The following CA12 variants were observed in gnomAD, a reference collection of about 807,000 sequenced individuals.
The protein encoded by CA12 is carbonic anhydrase 12, also known as carbonate dehydratase XII.
A neutral mutation model predicts 46.8 loss-of-function variants in CA12; 36 were observed. The observed-to-expected ratio is 0.77, with a 90% CI of 0.59 to 1.02. The LOEUF is 1.02. Among genes scored for constraint, CA12 ranks in the 50% least tolerant of loss-of-function variants. The pLI, the probability that CA12 is intolerant of heterozygous loss-of-function variation, is 0.00. For synonymous variants in CA12, 202 were observed against 187.0 expected (o/e 1.08, Z -0.65); for missense variants, 436 against 451.4 (o/e 0.97, Z 0.31).
At chr15:63,376,095 C>T (rs993831705) in intron 1 of CA12, among the ~76,000 whole-genome samples, 5 of 152,178 alleles carry the variant, frequency 3.3e-5, no homozygotes, top group Non-Finnish European at 7.3e-5. Flanking sequence ...AGGCGTGAGC[C>T]ACCATGCCCG....
chr15:63,338,922 C>T lies in CA12; in HGVS notation c.771G>A (p.Leu257=), dbSNP rs2039039968. 6.2e-7 allele frequency: 1 copy of T among 1,614,172 alleles called. No homozygotes were observed. Among genetic ancestry groups the T allele is most frequent in the East Asian group, 2.2e-5 (1 of 44,886 alleles). Residue 257 remains leucine, a synonymous_variant, in exon 8 of 11, where the codon CTG becomes CTA. Coordinates refer to ENST00000178638, the MANE Select transcript of CA12 (RefSeq NM_001218.5). ...QEQLLALETA[L]YCTHMDDPSP... ...AAGGGTCGTCCATGTGTGTGCAGTACAGGGCTGTCTCCAAAGCCAGCAGCT... is the reference window on the plus strand; with the variant it reads ...AAGGGTCGTCCATGTGTGTGCAGTATAGGGCTGTCTCCAAAGCCAGCAGCT...
chr15:63,349,897 G>C (rs912775178), intron 2 of CA12, among the ~76,000 whole-genome samples: 5 of 152,064 alleles, frequency 3.3e-5, no homozygotes, highest in African/African-American at 9.7e-5. Context: ...TCCTTTCCCA[G>C]GGAACGTGCA....
At chr15:63,342,543 G>A (rs2039094213) in intron 4 of CA12, among the ~76,000 whole-genome samples, 1 of 152,216 alleles carries the variant, frequency 6.6e-6, no homozygotes, top group Non-Finnish European at 1.5e-5. Flanking sequence ...AGAGAGAATA[G>A]ACTGTAAATA....
chr15:63,376,623 TTTC>T (rs571228882), intron 1 of CA12, among the ~76,000 whole-genome samples: 207 of 150,618 alleles, frequency 1.4e-3, no homozygotes, highest in African/African-American at 4.8e-3. Flanking sequence ...GCTCTCTCTC[TTTC>T]TTCTTTTTCT....
intron 2 of CA12, among the ~76,000 whole-genome samples, chr15:63,352,242 A>G (rs2039241884): frequency 6.6e-6 from 1 of 152,146 alleles, no homozygotes; most frequent in South Asian, 2.1e-4. Flanking sequence ...TTTTTAGTCG[A>G]CATGGGGTTT....
At position 63,327,856 on chromosome 15, in the gene CA12, T is replaced by C. The variant is rs908291979; in HGVS notation, c.907+242A>G. ...GCCTCCCACCATGACCAAAAGAAAG[T>C]CTTAGATAGGTTCTTTGAATACACA... On this transcript the variant is annotated intron_variant, in intron 9 of 10. Coordinates refer to ENST00000178638, the MANE Select transcript of CA12 (RefSeq NM_001218.5). This position sits in a 1 kb window ranked among gnomAD's most constrained non-coding sequence, Gnocchi z 4.5. 1.3e-5 allele frequency among the ~76,000 whole-genome samples: 2 copies of C among 152,036 alleles called. No individual in the cohort carries two copies. Among genetic ancestry groups the C allele is most frequent in the Admixed American group, 6.5e-5 (1 of 15,268 alleles).
rs183814647 is a variant in CA12, at chr15:63,339,150, G to A, written c.748-205C>T. On this transcript the variant is annotated intron_variant, in intron 7 of 10. Coordinates refer to ENST00000178638, the MANE Select transcript of CA12 (RefSeq NM_001218.5). This position sits in a 1 kb window ranked among gnomAD's most constrained non-coding sequence, Gnocchi z 4.3. ...GGTGAGTGGGAGCTGGGCAGCGCTG[G>A]GTTTATCTTCCCAGCACCCGAGACT... Among the ~76,000 whole-genome samples, 4 of 152,186 alleles carry A rather than the reference G, an allele frequency of 2.6e-5. No individual in the cohort carries two copies. The highest frequency in any genetic ancestry group is 9.6e-5 in the African/African-American group (4 of 41,516).
chr15:63,341,913 T>C lies in CA12; in HGVS notation c.525+89A>G. ...CGGAGTCGATACAGGAACAGCTGAT[T>C]ATCAACAGGTATGCATGGAACAAAA... On this transcript the variant is annotated intron_variant, in intron 5 of 10. Coordinates refer to ENST00000178638, the MANE Select transcript of CA12 (RefSeq NM_001218.5). The surrounding 1 kb of genome is among the most constrained non-coding windows in gnomAD (Gnocchi z 5.2). 1.1e-6 allele frequency: 1 copy of C among 886,276 alleles called. No individual in the cohort carries two copies. The highest frequency in any genetic ancestry group is 1.9e-6 in the Non-Finnish European group (1 of 533,744). 54.9% of individuals were successfully genotyped at this position (886,276 alleles called of 1,614,324 possible).
chr15:63,377,651 A>G (rs2039594218), intron 1 of CA12, among the ~76,000 whole-genome samples: 1 of 152,218 alleles, frequency 6.6e-6, no homozygotes, highest in African/African-American at 2.4e-5. Context: ...AAAGCTGTGT[A>G]ACAAAAACCT....
At chr15:63,356,889 T>C (rs2039302201) in intron 2 of CA12, among the ~76,000 whole-genome samples, 1 of 152,206 alleles carries the variant, frequency 6.6e-6, no homozygotes, top group African/African-American at 2.4e-5. Context: ...ACACCTGTGT[T>C]CATAGCAGCA....
intron 4 of CA12, among the ~76,000 whole-genome samples, chr15:63,343,753 A>G (rs1278106553): frequency 6.6e-6 from 1 of 152,216 alleles, no homozygotes; most frequent in Non-Finnish European, 1.5e-5. Context: ...AAATACAAGA[A>G]GTAGAAATAT....
Position 63,340,690 on chromosome 15 carries a change from A to G in CA12, c.589+30T>C. 6.2e-7 allele frequency: 1 copy of G among 1,605,036 alleles called. No homozygotes were observed. The highest frequency in any genetic ancestry group is 8.5e-7 in the Non-Finnish European group (1 of 1,171,704). On this transcript the variant is annotated intron_variant, in intron 6 of 10. Transcript: ENST00000178638. The surrounding 1 kb of genome is among the most constrained non-coding windows in gnomAD (Gnocchi z 4.4). Reference sequence around the variant, plus strand: ...GGCTGACTACCTCCTTCTCCAGCAGAGAGTGAATATGCATGCAAGGACCCC... The same window carrying G: ...GGCTGACTACCTCCTTCTCCAGCAGGGAGTGAATATGCATGCAAGGACCCC...
chr15:63,342,503 T>G (rs1004076751), intron 4 of CA12, among the ~76,000 whole-genome samples: 1 of 152,298 alleles, frequency 6.6e-6, no homozygotes, highest in East Asian at 1.9e-4. Context: ...GATTTTATCA[T>G]GCAGAGGAAG....
chr15:63,340,159 A>G lies in CA12; in HGVS notation c.747+129T>C. 9.2e-7 allele frequency: 1 copy of G among 1,092,754 alleles called. No homozygotes were observed. The highest frequency in any genetic ancestry group is 1.4e-6 in the Non-Finnish European group (1 of 730,008). The allele number at this position is 1,092,754 out of a possible 1,614,324, so 67.7% of individuals were successfully genotyped here. A position where few individuals can be genotyped will look rare whatever the true frequency, so the allele number is the denominator to read the frequency against. On this transcript the variant is annotated intron_variant, in intron 7 of 10. Coordinates refer to ENST00000178638, the MANE Select transcript of CA12 (RefSeq NM_001218.5). The surrounding 1 kb of genome is among the most constrained non-coding windows in gnomAD (Gnocchi z 4.4). Reference sequence around the variant, plus strand: ...TCTGCGGTGCTTTCAGACACCTGTGATATTTGGAGAGGTTTTGAAGAGCTG... The same window carrying G: ...TCTGCGGTGCTTTCAGACACCTGTGGTATTTGGAGAGGTTTTGAAGAGCTG...
rs549076780 is a variant in CA12 at position 63,354,148 on chromosome 15, C to A, written c.107-7439G>T. On this transcript the variant is annotated intron_variant, in intron 2 of 10. Transcript: ENST00000178638. ...TGGGTTAATAATTGATGGATGAGGT[C>A]TTATGATGTTATTATGTACAAACAG... 7.9e-4 allele frequency among the ~76,000 whole-genome samples: 121 copies of A among 152,212 alleles called. 1 individual carries two copies. Among genetic ancestry groups the A allele is most frequent in the African/African-American group, 2.9e-3 (119 of 41,536 alleles).
At chr15:63,336,962 T>A (rs1423640735) in intron 8 of CA12, among the ~76,000 whole-genome samples, 1 of 152,158 alleles carries the variant, frequency 6.6e-6, no homozygotes, top group African/African-American at 2.4e-5. Flanking sequence ...GTTTTAAGAG[T>A]TGAAGTAGTT....
In CA12 at chr15:63,345,972, T is replaced by C. The variant is rs1466521386; in HGVS notation, c.287-353A>G. Among the ~76,000 whole-genome samples the C allele has an allele frequency of 1.3e-5, 2 of 152,240 alleles. No individual in the cohort carries two copies. Among genetic ancestry groups the C allele is most frequent in the Non-Finnish European group, 2.9e-5 (2 of 68,042 alleles). On this transcript the variant is annotated intron_variant, in intron 3 of 10. Coordinates refer to ENST00000178638, the MANE Select transcript of CA12 (RefSeq NM_001218.5). The surrounding 1 kb of genome is among the most constrained non-coding windows in gnomAD (Gnocchi z 4.3). ...AAGTACCTTCCAAGCTTTAGAATTATATAGCAACAGCAACGATAACTGCTA... is the reference window on the plus strand; with the variant it reads ...AAGTACCTTCCAAGCTTTAGAATTACATAGCAACAGCAACGATAACTGCTA...
chr15:63,370,223 G>A (rs1417794566), intron 2 of CA12, among the ~76,000 whole-genome samples: 1 of 152,056 alleles, frequency 6.6e-6, no homozygotes, highest in East Asian at 1.9e-4. Flanking sequence ...CACTTTGGGA[G>A]GCCGAGGCGG....
chr15:63,346,461 A>G lies in CA12; in HGVS notation c.286+69T>C, dbSNP rs2039149327. 5 of 1,149,210 alleles carry G rather than the reference A, an allele frequency of 4.4e-6. No individual in the cohort carries two copies. In the East Asian group the frequency reaches 1.9e-4, roughly 45 times the overall value. The allele number at this position is 1,149,210 out of a possible 1,614,324, so 71.2% of individuals were successfully genotyped here. ...CACGGAACACCTCCCTGCCAGATGG[A>G]AAAGGACAGGCCTGGCAGCTGAGGG... On this transcript the variant is annotated intron_variant, in intron 3 of 10. Coordinates refer to ENST00000178638, the MANE Select transcript of CA12 (RefSeq NM_001218.5).
Sources: gnomAD v4.1 joint callset for allele counts (sites outside exome capture counted in the v4.1 genomes callset) on GRCh38, gnomAD v4.1.1 for gene constraint, Gnocchi (gnomAD v3.1) non-coding constraint, MANE v1.5 for transcripts, NCBI Gene and HGNC (gene_info 2026-07-23, HGNC 2026-07-21) for gene names.